ATP10D: variants seen among roughly 807,000 people sequenced by gnomAD.
ATP10D encodes phospholipid-transporting ATPase VD.
ATP10D carries 89 observed loss-of-function variants against 144.8 expected under a neutral mutation model. That is an observed-to-expected ratio of 0.61 (90% CI 0.52 to 0.73). The LOEUF is 0.73. Among genes scored for constraint, ATP10D ranks in the 30% least tolerant of loss-of-function variants. The probability of loss-of-function intolerance (pLI) is 0.00; values close to 1 mark genes in which losing one functional copy is unlikely to be tolerated. For synonymous variants in ATP10D, 571 were observed against 615.1 expected, an observed-to-expected ratio of 0.93 and a Z score of 1.06; for missense variants, 1,603 against 1,714.8, an observed-to-expected ratio of 0.93 and a Z score of 1.15.
chr4:47,533,797 G>A (rs1170845963), intron 5 of ATP10D, among the ~76,000 whole-genome samples: 1 of 152,090 alleles, frequency 6.6e-6, no homozygotes, highest in African/African-American at 2.4e-5. Flanking sequence ...CTCAGCCTGA[G>A]CTATTTCAGT....
chr4:47,527,767 G>A (rs112127487), intron 5 of ATP10D, among the ~76,000 whole-genome samples: 55 of 152,114 alleles, frequency 3.6e-4, no homozygotes, highest in African/African-American at 1.3e-3. Context: ...AGAGGAACTT[G>A]AACACTCATA....
intron 1 of ATP10D, among the ~76,000 whole-genome samples, chr4:47,508,418 G>T (rs1716137661): frequency 6.6e-6 from 1 of 152,236 alleles, no homozygotes. Context: ...ACTTAAACAG[G>T]AGAGTGGGGA....
chr4:47,590,912 T>TC, intron 22 of ATP10D, 130 bp from the exon 23 acceptor site: 1 of 570,436 alleles, frequency 1.8e-6, no homozygotes, highest in Admixed American at 3.4e-5. Flanking sequence ...TCGGTTACCC[T>TC]CCCCCTTTAT....
chr4:47,575,242 A>G (rs899767883), intron 18 of ATP10D, among the ~76,000 whole-genome samples: 1 of 152,226 alleles, frequency 6.6e-6, no homozygotes, highest in Admixed American at 6.5e-5. Flanking sequence ...AGAATCAATT[A>G]GAAGTATCCC....
chr4:47,556,048 C>T (rs1718978278), intron 11 of ATP10D, among the ~76,000 whole-genome samples: 2 of 152,146 alleles, frequency 1.3e-5, no homozygotes, highest in South Asian at 4.1e-4. Context: ...GCCACCACAC[C>T]TGACCAAAAA....
At chr4:47,493,278 A>G (rs1715180164) in intron 1 of ATP10D, among the ~76,000 whole-genome samples, 1 of 152,210 alleles carries the variant, frequency 6.6e-6, no homozygotes, top group Non-Finnish European at 1.5e-5. Context: ...CTTCATGGGG[A>G]AAATACACAA....
chr4:47,558,319 A>C (rs767124862), intron 12 of ATP10D, 46 bp downstream of exon 12: 64 of 1,578,758 alleles, frequency 4.1e-5, no homozygotes, highest in Non-Finnish European at 5.4e-5. Flanking sequence ...AAAAGCTCGG[A>C]GATTAAAAGA....
intron 16 of ATP10D, among the ~76,000 whole-genome samples, chr4:47,570,203 C>T (rs894654125): frequency 1.3e-5 from 2 of 151,916 alleles, no homozygotes; most frequent in African/African-American, 2.4e-5. Context: ...AGGGTTGGGA[C>T]GTGGTCAGAT....
intron 1 of ATP10D, among the ~76,000 whole-genome samples, chr4:47,493,156 C>T (rs1462895484): frequency 6.6e-6 from 1 of 152,096 alleles, no homozygotes; most frequent in Non-Finnish European, 1.5e-5. Flanking sequence ...AAAATAATTG[C>T]CCTATTTCTT....
rs1456139209 is a variant in ATP10D at position 47,575,678 on chromosome 4, G to A, written c.3367-1095G>A. The stretch of plus-strand genomic sequence containing the variant: ...ACTGGTTCTGCTACTTATTAGCCAT[G>A]TGGCTTTGGGCAAGTTTCTTAGTCT... On this transcript the variant is annotated intron_variant, in intron 18 of 22. Coordinates refer to ENST00000273859, the MANE Select transcript of ATP10D (RefSeq NM_020453.4). 2.0e-5 allele frequency among the ~76,000 whole-genome samples: 3 copies of A among 152,246 alleles called. No individual in the cohort carries two copies. The South Asian group carries it at 6.2e-4, about 32-fold the overall frequency.
At chr4:47,545,316 T>G (rs939715180) in intron 9 of ATP10D, among the ~76,000 whole-genome samples, 6 of 152,198 alleles carry the variant, frequency 3.9e-5, no homozygotes, top group African/African-American at 1.4e-4. Flanking sequence ...TAAGCCAGGA[T>G]AGGGAGTCCA....
In ATP10D at chr4:47,549,387, G is replaced by T. The variant is rs562741937; in HGVS notation, c.1635+2525G>T. Among the ~76,000 whole-genome samples, 3 of 152,270 alleles carry T rather than the reference G, an allele frequency of 2.0e-5. No homozygotes were observed. In the East Asian group the frequency reaches 5.8e-4, roughly 29 times the overall value. ...TATAAAGGCATCTTATTTATTTGCT[G>T]TTGGGATAGTTTTGGATCTATTGTC... On this transcript the variant is annotated intron_variant, in intron 10 of 22. Transcript: ENST00000273859.
chr4:47,491,861 T>C (rs1287364449), intron 1 of ATP10D, among the ~76,000 whole-genome samples: 3 of 152,196 alleles, frequency 2.0e-5, no homozygotes, highest in African/African-American at 7.2e-5. Context: ...TCATAAGACT[T>C]TCTGGTTTCC....
At chr4:47,524,614 G>A (rs1374657045) in intron 4 of ATP10D, among the ~76,000 whole-genome samples, 1 of 152,226 alleles carries the variant, frequency 6.6e-6, no homozygotes, top group Admixed American at 6.5e-5. Context: ...CATTAAGGGT[G>A]AATCTGGTGA....
At chr4:47,576,735 T>G in intron 18 of ATP10D, 38 bp from the exon 19 acceptor site, 1 of 1,579,554 alleles carries the variant, frequency 6.3e-7, no homozygotes, top group Non-Finnish European at 8.7e-7. Flanking sequence ...CACACATTAC[T>G]GATTCTAAGA....
intron 1 of ATP10D, among the ~76,000 whole-genome samples, chr4:47,499,175 A>G (rs138468909): frequency 6.6e-6 from 1 of 152,142 alleles, no homozygotes; most frequent in Non-Finnish European, 1.5e-5. Flanking sequence ...TAATGAGGGA[A>G]TCTCATGAGG....
chr4:47,576,089 G>A lies in ATP10D; in HGVS notation c.3367-684G>A, dbSNP rs1291970288. On this transcript the variant is annotated intron_variant, in intron 18 of 22. Coordinates refer to ENST00000273859, the MANE Select transcript of ATP10D (RefSeq NM_020453.4). ...TGGGACTACAGGCGCCCGCCACTACGCCCGGCTAATTTTTTGTATTTTTAG... is the reference window on the plus strand; with the variant it reads ...TGGGACTACAGGCGCCCGCCACTACACCCGGCTAATTTTTTGTATTTTTAG... 4.0e-5 allele frequency among the ~76,000 whole-genome samples: 6 copies of A among 151,266 alleles called. No individual in the cohort carries two copies. The East Asian group carries it at 5.8e-4, about 15-fold the overall frequency.
chr4:47,521,704 C>T (rs1325350052), intron 3 of ATP10D, among the ~76,000 whole-genome samples: 1 of 152,136 alleles, frequency 6.6e-6, no homozygotes, highest in Non-Finnish European at 1.5e-5. Flanking sequence ...AAATAATACC[C>T]CTGCCTACCT....
chr4:47,510,282 G>A (rs1716254608), intron 1 of ATP10D, among the ~76,000 whole-genome samples: 1 of 152,062 alleles, frequency 6.6e-6, no homozygotes, highest in South Asian at 2.1e-4. Context: ...ACAAAATGAT[G>A]AGCTGCCCAG....
Sources: allele counts gnomAD v4.1 joint callset (sites outside exome capture counted in the v4.1 genomes callset), GRCh38; gene constraint gnomAD v4.1.1; transcripts MANE v1.5; gene names NCBI Gene and HGNC (gene_info 2026-07-23, HGNC 2026-07-21).